NRG3: variants seen among roughly 807,000 people sequenced by gnomAD.
NRG3 encodes neuregulin 3.
NRG3 carries 31 observed loss-of-function variants against 66.9 expected under a neutral mutation model. The observed-to-expected ratio is 0.46, with a 90% confidence interval of 0.35 to 0.63. The LOEUF (loss-of-function observed/expected upper bound fraction) is 0.63, where lower values mean the gene tolerates loss of function less well. NRG3 is among the 20% of genes least tolerant of loss of function. The probability of loss-of-function intolerance (pLI) is 0.00; values close to 1 mark genes in which losing one functional copy is unlikely to be tolerated. For missense variants in NRG3, 910 were observed against 878.9 expected, an observed-to-expected ratio of 1.04 and a Z score of -0.45; for synonymous variants, 393 against 359.4, an observed-to-expected ratio of 1.09 and a Z score of -1.06.
At chr10:82,035,020 C>T (rs1376718799) in intron 1 of NRG3, among the ~76,000 whole-genome samples, 1 of 152,098 alleles carries the variant, frequency 6.6e-6, no homozygotes, top group Non-Finnish European at 1.5e-5. Flanking sequence ...ATAGTTTACT[C>T]CGTGCTGTTC....
At chr10:82,376,053 A>T (rs1045258683) in intron 2 of NRG3, among the ~76,000 whole-genome samples, 1 of 152,150 alleles carries the variant, frequency 6.6e-6, no homozygotes, top group Non-Finnish European at 1.5e-5. Flanking sequence ...CAGACTGGCT[A>T]TCTACTCACC....
chr10:82,187,688 G>C (rs993792586), intron 1 of NRG3, among the ~76,000 whole-genome samples: 2 of 152,086 alleles, frequency 1.3e-5, no homozygotes, highest in African/African-American at 4.8e-5. Context: ...CAACATTGAG[G>C]CTCACCAGAT....
chr10:82,191,554 ATCT>A (rs887624972), intron 1 of NRG3, among the ~76,000 whole-genome samples: 3 of 152,140 alleles, frequency 2.0e-5, no homozygotes, highest in Admixed American at 1.3e-4. Context: ...ATGACTTCCA[ATCT>A]TCTTATTTTC....
At chr10:82,570,802 T>C (rs181159144) in intron 2 of NRG3, among the ~76,000 whole-genome samples, 2 of 151,832 alleles carry the variant, frequency 1.3e-5, no homozygotes, top group East Asian at 1.9e-4. Context: ...AGGACTCATA[T>C]GTAAAATTTC....
rs146350843 is a variant in NRG3, at chr10:82,953,193, C to G, written c.1157+1622C>G. ...TCAATTTCTGAACACTTACTCTTTG[C>G]CAGGCACACTGGGCTTCTTATGTGT... is the stretch of plus-strand genomic sequence containing the variant. On this transcript the variant is annotated intron_variant, in intron 5 of 8. Coordinates refer to ENST00000372141, the MANE Select transcript of NRG3 (RefSeq NM_001010848.4). Among the ~76,000 whole-genome samples, 287 of 152,094 alleles carry G rather than the reference C, an allele frequency of 1.9e-3. 6 individuals carry two copies. Among genetic ancestry groups the G allele is most frequent in the African/African-American group, 6.5e-3 (269 of 41,354 alleles).
At chr10:82,231,285 G>T (rs552974312) in intron 1 of NRG3, among the ~76,000 whole-genome samples, 2 of 152,036 alleles carry the variant, frequency 1.3e-5, no homozygotes, top group African/African-American at 4.8e-5. Context: ...TTCAAGTGAG[G>T]TTGCAGTGAG....
At chr10:82,015,769 T>C (rs2061761630) in intron 1 of NRG3, among the ~76,000 whole-genome samples, 1 of 151,980 alleles carries the variant, frequency 6.6e-6, no homozygotes, top group Admixed American at 6.6e-5. Context: ...TTACTAGTTA[T>C]AAGGCTAGTA....
intron 2 of NRG3, among the ~76,000 whole-genome samples, chr10:82,562,356 G>C (rs893792715): frequency 6.6e-6 from 1 of 152,176 alleles, no homozygotes; most frequent in Non-Finnish European, 1.5e-5. Context: ...CTCACTGTCA[G>C]CTGCCAACCA....
At chr10:82,051,916 G>T (rs2063611053) in intron 1 of NRG3, among the ~76,000 whole-genome samples, 1 of 151,860 alleles carries the variant, frequency 6.6e-6, no homozygotes, top group African/African-American at 2.4e-5. Flanking sequence ...CCCACCAATT[G>T]TTCTTTAAAG....
chr10:82,503,724 C>T (rs114223844), intron 2 of NRG3, among the ~76,000 whole-genome samples: 1,927 of 152,212 alleles, frequency 0.013, 40 homozygotes, highest in African/African-American at 0.044. Flanking sequence ...TTTGGAAGCT[C>T]AGGAAAGATT....
At chr10:82,341,064 A>G (rs757029056) in intron 1 of NRG3, among the ~76,000 whole-genome samples, 3 of 152,174 alleles carry the variant, frequency 2.0e-5, no homozygotes, top group Non-Finnish European at 4.4e-5. Flanking sequence ...ATTATTATGC[A>G]TTGCATACCT....
intron 1 of NRG3, among the ~76,000 whole-genome samples, chr10:82,330,723 G>A (rs1338369463): frequency 6.6e-6 from 1 of 152,082 alleles, no homozygotes; most frequent in East Asian, 1.9e-4. Context: ...TTGTCCACCT[G>A]GCTTCCTAAG....
chr10:82,680,397 T>C (rs2054027716), intron 2 of NRG3, among the ~76,000 whole-genome samples: 2 of 152,194 alleles, frequency 1.3e-5, no homozygotes, highest in South Asian at 2.1e-4. Context: ...CCTGACACAT[T>C]AAATAACCAA....
chr10:82,079,024 TATTA>T (rs1156765242), intron 1 of NRG3, among the ~76,000 whole-genome samples: 2 of 152,338 alleles, frequency 1.3e-5, no homozygotes, highest in Non-Finnish European at 2.9e-5. Context: ...AAACGTGTTG[TATTA>T]ATTAATGAAT....
intron 5 of NRG3, among the ~76,000 whole-genome samples, chr10:82,951,950 T>C (rs1251674563): frequency 1.3e-5 from 2 of 152,224 alleles, no homozygotes; most frequent in Non-Finnish European, 2.9e-5. Flanking sequence ...ACCTGCACAT[T>C]ATCAACCATT....
At chr10:82,651,888 A>G (rs1172160420) in intron 2 of NRG3, among the ~76,000 whole-genome samples, 1 of 152,214 alleles carries the variant, frequency 6.6e-6, no homozygotes, top group East Asian at 1.9e-4. Context: ...TTTGGACTGC[A>G]ACATTGAGGC....
chr10:82,039,067 G>T (rs2062917523), intron 1 of NRG3, among the ~76,000 whole-genome samples: 1 of 152,078 alleles, frequency 6.6e-6, no homozygotes, highest in African/African-American at 2.4e-5. Context: ...CATCAAAGTT[G>T]CCTAATCCCT....
chr10:82,421,502 CA>C (rs899264941), intron 2 of NRG3, among the ~76,000 whole-genome samples: 6 of 150,274 alleles, frequency 4.0e-5, no homozygotes, highest in South Asian at 2.1e-4. Context: ...ACTCAGTTAC[CA>C]AAAAAAAAGT....
intron 1 of NRG3, among the ~76,000 whole-genome samples, chr10:82,035,041 A>G (rs887236838): frequency 1.3e-5 from 2 of 152,104 alleles, no homozygotes; most frequent in Non-Finnish European, 2.9e-5. Flanking sequence ...ATGGTTCTGA[A>G]TAGAGTTGGC....
Sources: gnomAD v4.1 joint callset for allele counts (sites outside exome capture counted in the v4.1 genomes callset) on GRCh38, gnomAD v4.1.1 for gene constraint, MANE v1.5 for transcripts, NCBI Gene and HGNC (gene_info 2026-07-23, HGNC 2026-07-21) for gene names.